PLCH2: variants seen among roughly 807,000 people sequenced by gnomAD.
PLCH2 encodes phospholipase C eta 2, also known as 1-phosphatidylinositol 4,5-bisphosphate phosphodiesterase eta-2.
PLCH2 carries 98 observed loss-of-function variants against 134.7 expected under a neutral mutation model. That is an observed-to-expected ratio of 0.73 (90% CI 0.62 to 0.86). PLCH2 has a LOEUF of 0.86. Ranked by LOEUF, PLCH2 falls within the 40% of genes least tolerant of loss-of-function variation. The pLI is 0.00. For missense variants in PLCH2, 1,994 were observed against 1,986.6 expected, an observed-to-expected ratio of 1.00 and a Z score of -0.07; for synonymous variants, 974 against 827.5, an observed-to-expected ratio of 1.18 and a Z score of -3.04.
intron 2 of PLCH2, among the ~76,000 whole-genome samples, chr1:2,433,467 C>T (rs1021897599): frequency 6.7e-6 from 1 of 149,704 alleles, no homozygotes; most frequent in African/African-American, 2.6e-5. Flanking sequence ...TTCAGGGCTG[C>T]TGGAGTATGT....
At chr1:2,425,799 A>G (rs1638765001), upstream of PLCH2, among the ~76,000 whole-genome samples, 1 of 151,746 alleles carries the variant, frequency 6.6e-6, no homozygotes, top group African/African-American at 2.4e-5. Context: ...CTGGGATGAC[A>G]GGAGTGAGGC....
rs756225063 is a variant in PLCH2, at chr1:2,504,075, G to A, written c.3113G>A (p.Gly1038Glu). 11 of 1,548,200 alleles carry A rather than the reference G, an allele frequency of 7.1e-6. No homozygotes were observed. The Middle Eastern group carries it at 1.2e-3, about 166-fold the overall frequency. Residue 1038 changes from glycine (G) to glutamate (E), a missense_variant, in exon 22 of 22, where the codon GGA becomes GAA. By Grantham distance (98) the Gly-to-Glu change is moderately conservative (BLOSUM62 -2). This residue lies in a region of PLCH2 where 900 missense variants were observed against 752.3 expected (regional missense o/e 1.20). Transcript: ENST00000378486. ...QGRPPYPTGPGANVASPLEDT... is the reference protein window; with the variant it reads ...QGRPPYPTGPEANVASPLEDT... ...CGGCCCCCATACCCCACAGGACCCG[G>A]AGCCAATGTGGCAAGCCCCCTAGAG...
chr1:2,477,663 G>GC (rs1399579562), intron 1 of PLCH2, among the ~76,000 whole-genome samples: 2 of 152,188 alleles, frequency 1.3e-5, no homozygotes, highest in Admixed American at 6.5e-5. Flanking sequence ...ACAAGCTACA[G>GC]CAGGAGGCTG....
chr1:2,455,013 G>A (rs996757786), intron 2 of PLCH2, among the ~76,000 whole-genome samples: 5 of 152,090 alleles, frequency 3.3e-5, no homozygotes, highest in Admixed American at 6.5e-5. Flanking sequence ...GAGCACATGC[G>A]CCCAGCTGTG....
chr1:2,449,294 C>A (rs1640088142), intron 2 of PLCH2, among the ~76,000 whole-genome samples: 1 of 152,148 alleles, frequency 6.6e-6, no homozygotes, highest in Admixed American at 6.5e-5. Context: ...AGTTCGAGAC[C>A]AGCCTGGGCA....
upstream of PLCH2, among the ~76,000 whole-genome samples, chr1:2,422,727 G>C (rs1638581912): frequency 1.3e-5 from 2 of 152,130 alleles, no homozygotes; most frequent in African/African-American, 4.8e-5. Context: ...GCCCAGGCTG[G>C]AGTGCAGTGG....
chr1:2,441,787 C>T (rs867396298), intron 2 of PLCH2, among the ~76,000 whole-genome samples: 2 of 152,106 alleles, frequency 1.3e-5, no homozygotes, highest in Non-Finnish European at 2.9e-5. Context: ...CTGGAGCTGC[C>T]GCAGGGTTCA....
intron 4 of PLCH2, 55 bp from the exon 5 acceptor site, chr1:2,484,393 G>C: frequency 6.3e-7 from 1 of 1,579,640 alleles, no homozygotes; most frequent in Middle Eastern, 1.7e-4. Context: ...AAGGACCCCT[G>C]TGCATGCAGG....
intron 2 of PLCH2, among the ~76,000 whole-genome samples, chr1:2,436,568 T>TCCTTCCTCCCTCCTCCCTCCTC (rs1570245943): frequency 1.0e-5 from 1 of 99,056 alleles, no homozygotes; most frequent in Non-Finnish European, 2.0e-5. Flanking sequence ...CCACCTTTCC[T>TCCTTCCTCCCTCCTCCCTCCTC]CCTTCCTCCC....
At position 2,439,890 on chromosome 1, in the gene PLCH2, C is replaced by T. The variant is rs2100521101; in HGVS notation, c.115+9261C>T. Among the ~76,000 whole-genome samples the T allele has an allele frequency of 6.6e-6, 1 of 152,210 alleles. No homozygotes were observed. Among genetic ancestry groups the T allele is most frequent in the South Asian group, 2.1e-4 (1 of 4,822 alleles). On this transcript the variant is annotated intron_variant, in intron 2 of 3. Transcript: ENST00000609981. This position sits in a 1 kb window ranked among gnomAD's most constrained non-coding sequence, Gnocchi z 4.7. ...TCCCTGCCTGCAGGGACCTCATGAT[C>T]TTAATGTGAAGGGCAGACTCAAAAT...
intron 1 of PLCH2, among the ~76,000 whole-genome samples, chr1:2,428,792 G>A (rs570750739): frequency 3.5e-4 from 53 of 152,378 alleles, no homozygotes; most frequent in African/African-American, 1.2e-3. Context: ...CATTCCAGCC[G>A]CCTCGGGGAA....
At chr1:2,497,889 C>G in intron 16 of PLCH2, 1 of 426,108 alleles carries the variant, frequency 2.3e-6, no homozygotes, top group South Asian at 5.2e-5. Context: ...CATGGCAGGA[C>G]TTGTCTGAGG....
rs75169856 is a variant in PLCH2, at chr1:2,459,943, C to G, written c.116-18533C>G. ...CGGTCCATGCGGCCAGTGGAAGCGT[C>G]CATCGGCCCCTCACCACTCTGTTCG... On this transcript the variant is annotated intron_variant, in intron 2 of 3. Coordinates refer to the PLCH2 transcript ENST00000609981. 4.6e-3 allele frequency among the ~76,000 whole-genome samples: 696 copies of G among 152,364 alleles called. 7 individuals are homozygous for G. The East Asian group carries it at 0.056, about 12-fold the overall frequency.
intron 2 of PLCH2, chr1:2,479,035 G>C (rs1641801088): frequency 4.9e-6 from 1 of 202,072 alleles, no homozygotes; most frequent in East Asian, 1.1e-4. Flanking sequence ...GGAGGGAGCA[G>C]GGGCCACCCG....
chr1:2,475,972 G>A (rs996702999), upstream of PLCH2, among the ~76,000 whole-genome samples: 1 of 152,188 alleles, frequency 6.6e-6, no homozygotes, highest in African/African-American at 2.4e-5. Flanking sequence ...GTGAGGGCAG[G>A]GACCACTCCA....
upstream of PLCH2, among the ~76,000 whole-genome samples, chr1:2,462,941 A>G (rs955497368): frequency 6.6e-6 from 1 of 151,812 alleles, no homozygotes; most frequent in African/African-American, 2.4e-5. Flanking sequence ...CATCCATAGA[A>G]CTCTTAAACC....
intron 21 of PLCH2, chr1:2,502,902 T>C (rs1643316909): frequency 1.4e-6 from 1 of 717,056 alleles, no homozygotes; most frequent in South Asian, 1.5e-5. Flanking sequence ...TCCCCCATGT[T>C]CTCCGCCGGT....
chr1:2,431,623 G>T (rs1639076164), intron 2 of PLCH2, among the ~76,000 whole-genome samples: 1 of 152,152 alleles, frequency 6.6e-6, no homozygotes, highest in Non-Finnish European at 1.5e-5. Context: ...GCAGGGCCTG[G>T]GGGCGGGAGG....
intron 13 of PLCH2, 28 bp downstream of exon 13, chr1:2,495,598 C>G: frequency 6.7e-7 from 1 of 1,495,868 alleles, no homozygotes; most frequent in Non-Finnish European, 9.0e-7. Context: ...CGGGGAGGCC[C>G]CGCACACTCC....
Sources: gnomAD v4.1 joint callset for allele counts (sites outside exome capture counted in the v4.1 genomes callset) on GRCh38, gnomAD v4.1.1 for gene constraint, gnomAD v4.1.1 regional missense constraint, Gnocchi (gnomAD v3.1) non-coding constraint, MANE v1.5 for transcripts, NCBI Gene and HGNC (gene_info 2026-07-23, HGNC 2026-07-21) for gene names.